TRPC4AP: variants seen among roughly 807,000 people sequenced by gnomAD.
TRPC4AP encodes the protein short transient receptor potential channel 4-associated protein.
In TRPC4AP, 45 loss-of-function variants were observed where a neutral mutation model predicts 99.0. The ratio of observed to expected loss-of-function variants is 0.45; its 90% CI spans 0.36 to 0.58. The LOEUF (loss-of-function observed/expected upper bound fraction) is 0.58. TRPC4AP is among the 20% of genes least tolerant of loss of function. TRPC4AP has a pLI of 0.00. For synonymous variants in TRPC4AP, 408 were observed against 385.8 expected (o/e 1.06, Z -0.67); for missense variants, 879 against 985.3 (o/e 0.89, Z 1.44).
intron 1 of TRPC4AP, among the ~76,000 whole-genome samples, chr20:35,087,064 TCA>T (rs938041821): frequency 6.8e-6 from 1 of 146,176 alleles, no homozygotes; most frequent in African/African-American, 2.6e-5. Flanking sequence ...GCGCAGTGGC[TCA>T]CACCTGTAAT....
chr20:35,065,745 A>G (rs2084127095), intron 3 of TRPC4AP, among the ~76,000 whole-genome samples: 1 of 152,222 alleles, frequency 6.6e-6, no homozygotes, highest in South Asian at 2.1e-4. Context: ...CAGTTGATCC[A>G]AAGATGTCCG....
chr20:35,006,716 T>C (rs926161309), intron 14 of TRPC4AP, 141 bp from the exon 15 acceptor site: 2 of 1,165,316 alleles, frequency 1.7e-6, no homozygotes, highest in Non-Finnish European at 2.4e-6. Context: ...TGTCTGAGGA[T>C]GCTGGTGGCT....
intron 8 of TRPC4AP, among the ~76,000 whole-genome samples, chr20:35,028,076 A>C (rs2083071954): frequency 6.6e-6 from 1 of 152,166 alleles, no homozygotes; most frequent in African/African-American, 2.4e-5. Context: ...CAATGACTTA[A>C]GGTAGACGTT....
chr20:35,062,277 C>T (rs1456634179), intron 3 of TRPC4AP, among the ~76,000 whole-genome samples: 4 of 152,174 alleles, frequency 2.6e-5, no homozygotes, highest in Non-Finnish European at 4.4e-5. Flanking sequence ...CCAGCAACTC[C>T]ACTTCTAGGT....
At chr20:35,086,686 C>T (rs2146044006) in intron 1 of TRPC4AP, among the ~76,000 whole-genome samples, 1 of 151,598 alleles carries the variant, frequency 6.6e-6, no homozygotes, top group East Asian at 1.9e-4. Flanking sequence ...TTCATAAATA[C>T]TAATGGTTAG....
chr20:35,077,106 G>A (rs1033503346), intron 2 of TRPC4AP, among the ~76,000 whole-genome samples: 9 of 152,160 alleles, frequency 5.9e-5, no homozygotes, highest in Non-Finnish European at 1.0e-4. Flanking sequence ...TGCTAAGGCC[G>A]TTGGAAAAGT....
intron 8 of TRPC4AP, among the ~76,000 whole-genome samples, chr20:35,025,350 G>T (rs915857200): frequency 6.6e-6 from 1 of 152,008 alleles, no homozygotes; most frequent in Admixed American, 6.6e-5. Context: ...CTGGCTAACC[G>T]AAACAAAATT....
intron 1 of TRPC4AP, among the ~76,000 whole-genome samples, chr20:35,078,468 T>C (rs533853210): frequency 1.3e-5 from 2 of 152,216 alleles, no homozygotes; most frequent in East Asian, 1.9e-4. Flanking sequence ...CTAGGGCAAC[T>C]GCTAAAAGTA....
At chr20:35,004,406 G>A in intron 17 of TRPC4AP, 52 bp downstream of exon 17, 5 of 1,502,022 alleles carry the variant, frequency 3.3e-6, no homozygotes, top group South Asian at 1.2e-5. Context: ...CAGGACAAAG[G>A]AAGTGGTTTC....
In TRPC4AP at chr20:35,013,010, G is replaced by A. The variant is rs780027923; in HGVS notation, c.1407C>T (p.His469=). ...LRLLQSFSDH[H]ENKYLLLNNQ... is the part of the protein sequence containing the mutation. Reference sequence around the variant, plus strand: ...TGCAGGGACACTCTTGTACTTACTCGTGGTGGTCACTGAAGCTCTGAAGAA... The same window carrying A: ...TGCAGGGACACTCTTGTACTTACTCATGGTGGTCACTGAAGCTCTGAAGAA... The change falls in exon 11 of 19, where the codon CAC becomes CAT. Residue 469 remains histidine (H), a splice_region_variant and synonymous_variant. Transcript: ENST00000252015. 1.9e-5 allele frequency: 30 copies of A among 1,613,908 alleles called. No homozygotes were observed. Among genetic ancestry groups the A allele is most frequent in the Middle Eastern group, 3.3e-4 (2 of 6,084 alleles).
chr20:35,083,189 T>A (rs534758086), intron 1 of TRPC4AP, among the ~76,000 whole-genome samples: 1 of 152,320 alleles, frequency 6.6e-6, no homozygotes, highest in African/African-American at 2.4e-5. Flanking sequence ...ATCTTATTTT[T>A]ATATTACAGC....
intron 9 of TRPC4AP, among the ~76,000 whole-genome samples, chr20:35,018,681 C>G (rs1162256110): frequency 6.8e-6 from 1 of 147,348 alleles, no homozygotes; most frequent in Non-Finnish European, 1.5e-5. Context: ...ACAAATTTTA[C>G]TTGTAGAATG....
chr20:35,076,322 TGGA>T, intron 2 of TRPC4AP, among the ~76,000 whole-genome samples: 1 of 152,348 alleles, frequency 6.6e-6, no homozygotes, highest in South Asian at 2.1e-4. Context: ...TGTGTTCCTT[TGGA>T]GGAGAAGAGG....
chr20:35,040,358 G>T (rs2083419276), intron 7 of TRPC4AP, among the ~76,000 whole-genome samples: 1 of 152,150 alleles, frequency 6.6e-6, no homozygotes. Flanking sequence ...AGCAGTGGGA[G>T]GCGATGGAGG....
chr20:35,038,932 G>A (rs2083386785), intron 7 of TRPC4AP, among the ~76,000 whole-genome samples: 1 of 152,070 alleles, frequency 6.6e-6, no homozygotes, highest in Non-Finnish European at 1.5e-5. Context: ...AAATTAGTCG[G>A]GCCTGGTGGC....
At chr20:35,084,641 T>C (rs1331598804) in intron 1 of TRPC4AP, among the ~76,000 whole-genome samples, 1 of 113,860 alleles carries the variant, frequency 8.8e-6, no homozygotes, top group East Asian at 2.4e-4. Flanking sequence ...TGTGTATATG[T>C]ATGTATGTTT....
chr20:35,039,697 T>C (rs557689569), intron 7 of TRPC4AP, among the ~76,000 whole-genome samples: 7 of 152,254 alleles, frequency 4.6e-5, no homozygotes, highest in Admixed American at 4.6e-4. Context: ...AAATTGACAA[T>C]TATCTAGCCT....
chr20:35,043,620 G>C lies in TRPC4AP; in HGVS notation c.865+885C>G, dbSNP rs746058512. On this transcript the variant is annotated intron_variant, in intron 7 of 18. Coordinates refer to ENST00000252015, the MANE Select transcript of TRPC4AP (RefSeq NM_015638.3). ...CAGTGGATACCTGAAATGGCAGATA[G>C]CACCAAACCCTATATATACTATGTT... is the stretch of plus-strand genomic sequence containing the variant. Among the ~76,000 whole-genome samples the C allele has an allele frequency of 1.3e-5, 2 of 152,244 alleles. 1 individual carries two copies. The highest frequency in any genetic ancestry group is 4.1e-4 in the South Asian group (2 of 4,826).
intron 1 of TRPC4AP, among the ~76,000 whole-genome samples, chr20:35,086,537 G>GTATGTGTATA (rs1289641922): frequency 1.5e-5 from 1 of 65,038 alleles, no homozygotes; most frequent in African/African-American, 8.6e-5. Flanking sequence ...GTGTGTGTGT[G>GTATGTGTATA]TGTGTGTGTG....
Sources: allele counts gnomAD v4.1 joint callset (sites outside exome capture counted in the v4.1 genomes callset), GRCh38; gene constraint gnomAD v4.1.1; transcripts MANE v1.5; gene names NCBI Gene and HGNC (gene_info 2026-07-23, HGNC 2026-07-21).